NPAT: variants seen among roughly 807,000 people sequenced by gnomAD.
NPAT encodes nuclear protein, coactivator of histone transcription.
NPAT carries 52 observed loss-of-function variants against 130.7 expected under a neutral mutation model. The ratio of observed to expected loss-of-function variants is 0.40; its 90% CI spans 0.32 to 0.50. The LOEUF is 0.50. NPAT is among the 20% of genes least tolerant of loss of function. The pLI, the probability that NPAT is intolerant of heterozygous loss-of-function variation, is 0.68. For missense variants in NPAT, 1,687 were observed against 1,662.6 expected (o/e 1.01, Z -0.26); for synonymous variants, 580 against 584.8 (o/e 0.99, Z 0.12).
At position 108,189,143 on chromosome 11, in the gene NPAT, T is replaced by C; in HGVS notation, c.519A>G (p.Val173=). The part of the protein sequence containing the change: ...QISDPSRSYF[V]VVNHSQSQDT... ...CTTGTGACTGTGAGTGGTTGACCAC[T>C]ACAAAATATGACCTCGATGGATCTG... The change falls in exon 6 of 18, where the codon GTA becomes GTG. Residue 173 remains valine (V), a synonymous_variant. Coordinates refer to ENST00000278612, the MANE Select transcript of NPAT (RefSeq NM_002519.3). 2 of 1,614,194 alleles carry C rather than the reference T, an allele frequency of 1.2e-6. No individual in the cohort carries two copies. Among genetic ancestry groups the C allele is most frequent in the Non-Finnish European group, 1.7e-6 (2 of 1,180,030 alleles).
In NPAT at chr11:108,178,424, G is replaced by T. The variant is rs575483286; in HGVS notation, c.907-1334C>A. On this transcript the variant is annotated intron_variant, in intron 10 of 17. Transcript: ENST00000278612. ...AATTTTGCACCTTATTATTATTTTTGTGTGTGTGTGTGTGTTCATGAATTT... is the reference window on the plus strand; with the variant it reads ...AATTTTGCACCTTATTATTATTTTTTTGTGTGTGTGTGTGTTCATGAATTT... 7.2e-4 allele frequency among the ~76,000 whole-genome samples: 109 copies of T among 151,394 alleles called. 1 individual carries two copies. The highest frequency in any genetic ancestry group is 2.5e-3 in the African/African-American group (102 of 41,320).
chr11:108,198,414 T>C (rs2078244249), intron 1 of NPAT, among the ~76,000 whole-genome samples: 1 of 152,162 alleles, frequency 6.6e-6, no homozygotes, highest in African/African-American at 2.4e-5. Flanking sequence ...ACTAAAGGAA[T>C]CCACGTCTAG....
intron 10 of NPAT, among the ~76,000 whole-genome samples, chr11:108,184,253 C>T (rs564864981): frequency 1.4e-3 from 208 of 152,078 alleles, no homozygotes; most frequent in Non-Finnish European, 2.6e-3. Flanking sequence ...GGGCAGATAA[C>T]GAGGTCAGGA....
intron 1 of NPAT, among the ~76,000 whole-genome samples, chr11:108,212,875 G>A (rs1009469241): frequency 6.8e-6 from 1 of 147,842 alleles, no homozygotes. Flanking sequence ...GAACCAGGGA[G>A]GTGGAGGTTG....
chr11:108,161,988 G>C lies in NPAT; in HGVS notation c.3098C>G (p.Ala1033Gly). 1 of 1,608,360 alleles carries C rather than the reference G, an allele frequency of 6.2e-7. No homozygotes were observed. The highest frequency in any genetic ancestry group is 8.5e-7 in the Non-Finnish European group (1 of 1,177,602). The change falls in exon 17 of 18, where the codon GCC becomes GGC. Residue 1033 changes from alanine (A) to glycine (G), a missense_variant. By Grantham distance (60) the Ala-to-Gly change is moderately conservative. This residue lies in a region of NPAT where 1,379 missense variants were observed against 1,346.6 expected (regional missense o/e 1.02). Coordinates refer to ENST00000278612, the MANE Select transcript of NPAT (RefSeq NM_002519.3). ...QKTEVSDKSI[A>G]TDLGKKSEET... ...TTCTGATTTTTTCCCAAGATCTGTG[G>C]CAATACTTTTGTCAGAAACTTCAGT...
At chr11:108,167,675 A>G (rs2077913824) in intron 15 of NPAT, among the ~76,000 whole-genome samples, 1 of 152,220 alleles carries the variant, frequency 6.6e-6, no homozygotes, top group Non-Finnish European at 1.5e-5. Flanking sequence ...GGTGGGAATG[A>G]GTATCTTTGT....
At chr11:108,208,588 T>TAAAA (rs34033921) in intron 1 of NPAT, 12 of 273,490 alleles carry the variant, frequency 4.4e-5, no homozygotes, top group Non-Finnish European at 4.4e-5. Context: ...ACCCTGTCTT[T>TAAAA]AAAAAAAAAA....
rs1170235964 is a variant in NPAT at position 108,179,675 on chromosome 11, A to G, written c.907-2585T>C. 5.3e-5 allele frequency among the ~76,000 whole-genome samples: 8 copies of G among 152,222 alleles called. No individual in the cohort carries two copies. In the South Asian group the frequency reaches 1.7e-3, roughly 32 times the overall value. On this transcript the variant is annotated intron_variant, in intron 10 of 17. Coordinates refer to ENST00000278612, the MANE Select transcript of NPAT (RefSeq NM_002519.3). ...AAAGAAATCATAAGGGAGGCCAGGC[A>G]TGGTGGTTCACACCAATAATCCCAA...
Position 108,173,662 on chromosome 11 carries a change from T to G in NPAT, c.1322A>C (p.Asp441Ala). The G allele has an allele frequency of 6.2e-7, 1 of 1,614,214 alleles. No homozygotes were observed. The highest frequency in any genetic ancestry group is 8.5e-7 in the Non-Finnish European group (1 of 1,180,042). Reference sequence around the variant, plus strand: ...ATTAGGCACGGACTCAAAGGTAATGTCAATGTCACACTTCTGTTCAGTGGG... The same window carrying G: ...ATTAGGCACGGACTCAAAGGTAATGGCAATGTCACACTTCTGTTCAGTGGG... ...AVPTEQKCDI[D>A]ITFESVPNLN... Residue 441 changes from aspartate to alanine, a missense_variant, in exon 13 of 18, where the codon GAC becomes GCC. Asp to Ala is a moderately radical substitution (Grantham distance 126, BLOSUM62 -2). Around this residue, in one of 3 missense-constraint regions of NPAT, gnomAD observed 1,379 missense variants for 1,346.6 expected, o/e 1.02. Coordinates refer to ENST00000278612, the MANE Select transcript of NPAT (RefSeq NM_002519.3).
chr11:108,207,500 A>C (rs2078340252), intron 1 of NPAT, among the ~76,000 whole-genome samples: 2 of 152,146 alleles, frequency 1.3e-5, no homozygotes, highest in African/African-American at 4.8e-5. Context: ...CCTCAGCCTC[A>C]CCCTTGGCCT....
intron 12 of NPAT, among the ~76,000 whole-genome samples, chr11:108,175,356 AG>A (rs1277680986): frequency 6.6e-6 from 1 of 152,198 alleles, no homozygotes; most frequent in African/African-American, 2.4e-5. Context: ...CCCATAGATA[AG>A]GGGGGACTAC....
Position 108,161,420 on chromosome 11 carries a change from T to A in NPAT, c.3666A>T (p.Ser1222=). 3.1e-6 allele frequency: 5 copies of A among 1,614,232 alleles called. No individual in the cohort carries two copies. The highest frequency in any genetic ancestry group is 4.2e-6 in the Non-Finnish European group (5 of 1,180,024). The change falls in exon 17 of 18, where the codon TCA becomes TCT. Residue 1222 remains serine, a synonymous_variant. Coordinates refer to ENST00000278612, the MANE Select transcript of NPAT (RefSeq NM_002519.3). The part of the protein sequence containing the change: ...GTSSNNKNVL[S]VGTAVKDLKQ... ...TTAGATCCTTCACAGCTGTACCTAC[T>A]GAAAGTACATTTTTATTGTTTGAAG...
intron 1 of NPAT, among the ~76,000 whole-genome samples, chr11:108,209,431 T>C (rs1216281931): frequency 6.6e-6 from 1 of 151,968 alleles, no homozygotes; most frequent in East Asian, 1.9e-4. Flanking sequence ...AACATCTCTT[T>C]AAATTAGGTA....
rs755929190 is a variant in NPAT at position 108,190,448 on chromosome 11, T to C, written c.331+12A>G. ...AAGTAATTGTGAACATTGTTTAAAGTTGGATACCAACCTCTCTGACTGCCA... is the reference window on the plus strand; with the variant it reads ...AAGTAATTGTGAACATTGTTTAAAGCTGGATACCAACCTCTCTGACTGCCA... On this transcript the variant is annotated intron_variant, in intron 5 of 17. Transcript: ENST00000278612. The C allele has an allele frequency of 1.4e-5, 23 of 1,610,878 alleles. No individual in the cohort carries two copies. In the South Asian group the frequency reaches 2.3e-4, roughly 16 times the overall value.
rs564902022 is a variant in NPAT, at chr11:108,185,963, C to T, written c.727-469G>A. ...CTTGAATTCCTGGCCTCAAGAGATCCGCTGGCTTTGGCCTCTCAAAGTGCT... is the reference window on the plus strand; with the variant it reads ...CTTGAATTCCTGGCCTCAAGAGATCTGCTGGCTTTGGCCTCTCAAAGTGCT... On this transcript the variant is annotated intron_variant, in intron 8 of 17. Coordinates refer to ENST00000278612, the MANE Select transcript of NPAT (RefSeq NM_002519.3). Among the ~76,000 whole-genome samples, 274 of 151,854 alleles carry T rather than the reference C, an allele frequency of 1.8e-3. 4 individuals are homozygous for T. The highest frequency in any genetic ancestry group is 1.3e-3 in the Non-Finnish European group (85 of 67,968).
intron 15 of NPAT, among the ~76,000 whole-genome samples, chr11:108,165,082 C>A (rs2077888738): frequency 6.6e-6 from 1 of 151,864 alleles, no homozygotes; most frequent in Non-Finnish European, 1.5e-5. Flanking sequence ...GGTAGATTTA[C>A]AACATGGGCA....
chr11:108,222,567 G>T lies in NPAT; in HGVS notation c.-31C>A, dbSNP rs781244000. On this transcript the variant is annotated 5_prime_UTR_variant, in exon 1 of 18. Coordinates refer to ENST00000278612, the MANE Select transcript of NPAT (RefSeq NM_002519.3). ...AAACCACAGCAGGAACCACAATAAG[G>T]AACAAGACTCAGGTTAAAGCAAACA... The T allele has an allele frequency of 6.2e-7, 1 of 1,613,212 alleles. No individual in the cohort carries two copies. Among genetic ancestry groups the T allele is most frequent in the Non-Finnish European group, 8.5e-7 (1 of 1,179,510 alleles).
intron 1 of NPAT, among the ~76,000 whole-genome samples, chr11:108,210,927 A>C (rs1263415981): frequency 6.6e-6 from 1 of 152,204 alleles, no homozygotes; most frequent in East Asian, 1.9e-4. Context: ...TCCTTATGAA[A>C]CTGGACATGG....
chr11:108,192,193 A>G lies in NPAT; in HGVS notation c.218-3T>C. The G allele has an allele frequency of 1.3e-6, 2 of 1,584,568 alleles. No individual in the cohort carries two copies. The highest frequency in any genetic ancestry group is 1.7e-6 in the Non-Finnish European group (2 of 1,153,318). On this transcript the variant is annotated splice_polypyrimidine_tract_variant and splice_region_variant and intron_variant, in intron 3 of 17. Transcript: ENST00000278612. The stretch of plus-strand genomic sequence containing the variant: ...TGCTGGGACATTATTTGATGTTTCT[A>G]AATCATAGGAGAAAAGGTTCTTAAT...
Sources: allele counts gnomAD v4.1 joint callset (sites outside exome capture counted in the v4.1 genomes callset), GRCh38; gene constraint gnomAD v4.1.1; regional missense constraint gnomAD v4.1.1; transcripts MANE v1.5; gene names NCBI Gene and HGNC (gene_info 2026-07-23, HGNC 2026-07-21).